Variants in TMEM232 observed in about 807,000 individuals in gnomAD.
TMEM232 encodes transmembrane protein 232.
TMEM232 carries 80 observed loss-of-function variants against 78.8 expected under a neutral mutation model. The ratio of observed to expected loss-of-function variants is 1.01; its 90% confidence interval spans 0.85 to 1.22. The LOEUF is 1.22. TMEM232 is among the 50% of genes most tolerant of loss of function. The probability of loss-of-function intolerance (pLI) is 0.00; values close to 1 mark genes in which losing one functional copy is unlikely to be tolerated. For missense variants in TMEM232, 881 were observed against 742.2 expected, an observed-to-expected ratio of 1.19 and a Z score of -2.17; for synonymous variants, 297 against 254.3, an observed-to-expected ratio of 1.17 and a Z score of -1.60.
At chr5:110,547,025 A>G (rs1227415367) in intron 11 of TMEM232, among the ~76,000 whole-genome samples, 1 of 152,116 alleles carries the variant, frequency 6.6e-6, no homozygotes, top group Non-Finnish European at 1.5e-5. Context: ...TTTACTTGTA[A>G]AATTAAGCAC....
At chr5:110,517,422 A>C (rs1213956703) in intron 12 of TMEM232, among the ~76,000 whole-genome samples, 1 of 152,236 alleles carries the variant, frequency 6.6e-6, no homozygotes, top group Non-Finnish European at 1.5e-5. Context: ...ATTTGCTTTT[A>C]CACAACTTAT....
At chr5:110,421,052 T>C (rs1715486390) in intron 13 of TMEM232, among the ~76,000 whole-genome samples, 1 of 151,512 alleles carries the variant, frequency 6.6e-6, no homozygotes, top group African/African-American at 2.4e-5. Context: ...ACGTTCTTCA[T>C]CAATATTGGT....
At chr5:110,429,762 C>T (rs1757626265) in intron 12 of TMEM232, 1 of 151,776 alleles carries the variant, frequency 6.6e-6, no homozygotes. Flanking sequence ...CATAGACTCA[C>T]TGGTTGGTAT....
At chr5:110,576,886 G>A (rs1777632971) in intron 10 of TMEM232, among the ~76,000 whole-genome samples, 2 of 151,714 alleles carry the variant, frequency 1.3e-5, no homozygotes, top group Admixed American at 6.6e-5. Flanking sequence ...AAATTCACTC[G>A]ATATCAATTA....
intron 12 of TMEM232, among the ~76,000 whole-genome samples, chr5:110,523,798 A>T (rs1769924674): frequency 6.6e-6 from 1 of 151,828 alleles, no homozygotes; most frequent in South Asian, 2.1e-4. Flanking sequence ...ACAAAAATAA[A>T]TTTTTTAAAA....
At chr5:110,425,659 T>C (rs1207802351) in intron 12 of TMEM232, among the ~76,000 whole-genome samples, 1 of 152,078 alleles carries the variant, frequency 6.6e-6, no homozygotes, top group Admixed American at 6.6e-5. Context: ...CATCAGGTTC[T>C]GTTTGTCTAT....
At chr5:110,660,379 GACAA>G (rs1421095313) in intron 2 of TMEM232, among the ~76,000 whole-genome samples, 1 of 151,954 alleles carries the variant, frequency 6.6e-6, no homozygotes, top group Non-Finnish European at 1.5e-5. Context: ...AATATATTCA[GACAA>G]ACAAAACCTG....
chr5:110,726,108 T>TCTCACACACA (rs1554087763), intron 1 of TMEM232, among the ~76,000 whole-genome samples: 1 of 144,550 alleles, frequency 6.9e-6, no homozygotes, highest in Non-Finnish European at 1.5e-5. Context: ...CCTCTCTCTT[T>TCTCACACACA]CACACACACA....
In TMEM232 at chr5:110,629,518, T is replaced by C. The variant is rs189715042; in HGVS notation, c.502-1638A>G. Among the ~76,000 whole-genome samples the C allele has an allele frequency of 3.2e-4, 49 of 152,284 alleles. 1 individual carries two copies. The East Asian group carries it at 8.7e-3, about 27-fold the overall frequency. ...TCATGTATTATTTGTGTACATATTC[T>C]CTTTGTTGTTTGACAACTCAAGCTT... is the stretch of plus-strand genomic sequence containing the variant. On this transcript the variant is annotated intron_variant, in intron 5 of 13. Coordinates refer to ENST00000455884, the MANE Select transcript of TMEM232 (RefSeq NM_001039763.4).
intron 12 of TMEM232, among the ~76,000 whole-genome samples, chr5:110,427,859 T>C (rs1394241386): frequency 6.6e-6 from 1 of 151,798 alleles, no homozygotes; most frequent in Non-Finnish European, 1.5e-5. Context: ...TTTTATTTTT[T>C]TGGGTACACA....
At chr5:110,681,871 G>A (rs1204622110) in intron 1 of TMEM232, among the ~76,000 whole-genome samples, 2 of 151,974 alleles carry the variant, frequency 1.3e-5, no homozygotes, top group African/African-American at 4.8e-5. Context: ...ATTCCTTCTC[G>A]GGAGAGTTAT....
intron 2 of TMEM232, among the ~76,000 whole-genome samples, chr5:110,650,177 T>C (rs1249626001): frequency 6.6e-6 from 1 of 152,034 alleles, no homozygotes; most frequent in African/African-American, 2.4e-5. Context: ...TAGTCATAAA[T>C]TAAAATTTTA....
chr5:110,515,278 T>C (rs945970419), intron 12 of TMEM232, among the ~76,000 whole-genome samples: 4 of 152,224 alleles, frequency 2.6e-5, no homozygotes, highest in Non-Finnish European at 5.9e-5. Context: ...TACCTAGAAC[T>C]GAGGGTCTTA....
chr5:110,668,252 T>TTAGGGCTAAAGAGGAAGA (rs1790866782), intron 1 of TMEM232, among the ~76,000 whole-genome samples: 1 of 152,112 alleles, frequency 6.6e-6, no homozygotes, highest in African/African-American at 2.4e-5. Flanking sequence ...GTTATCACTC[T>TTAGGGCTAAAGAGGAAGA]TAGGGCTAAA....
intron 1 of TMEM232, among the ~76,000 whole-genome samples, chr5:110,674,181 T>C (rs1272505644): frequency 6.6e-6 from 1 of 152,190 alleles, no homozygotes; most frequent in Non-Finnish European, 1.5e-5. Context: ...TAAAAATTCA[T>C]CATTTTATTC....
chr5:110,638,810 C>G (rs1786264295), intron 4 of TMEM232, among the ~76,000 whole-genome samples: 1 of 152,072 alleles, frequency 6.6e-6, no homozygotes, highest in East Asian at 1.9e-4. Flanking sequence ...ACTATACAGG[C>G]TAAATAAATC....
intron 1 of TMEM232, among the ~76,000 whole-genome samples, chr5:110,670,101 T>A (rs1791157259): frequency 6.6e-6 from 1 of 152,180 alleles, no homozygotes; most frequent in African/African-American, 2.4e-5. Context: ...TCACCACTCT[T>A]ATTCAATATA....
intron 3 of TMEM232, among the ~76,000 whole-genome samples, chr5:110,391,318 T>TGAGAGAGAGAGAGAGA: frequency 7.3e-6 from 1 of 137,266 alleles, no homozygotes; most frequent in African/African-American, 3.2e-5. Context: ...TGTGTGTGTG[T>TGAGAGAGAGAGAGAGA]GTGTGTGTGA....
chr5:110,425,933 A>G (rs1036765362), intron 12 of TMEM232, among the ~76,000 whole-genome samples: 4 of 152,120 alleles, frequency 2.6e-5, no homozygotes, highest in Admixed American at 6.6e-5. Context: ...TTTGTTAAGG[A>G]AGCCTGAAGT....
Sources: allele counts gnomAD v4.1 joint callset (sites outside exome capture counted in the v4.1 genomes callset), GRCh38; gene constraint gnomAD v4.1.1; transcripts MANE v1.5; gene names NCBI Gene and HGNC (gene_info 2026-07-23, HGNC 2026-07-21).